The following TECR variants were observed in gnomAD, a reference collection of about 807,000 sequenced individuals.
The protein encoded by TECR is very-long-chain enoyl-CoA reductase.
TECR carries 19 observed loss-of-function variants against 50.6 expected under a neutral mutation model. That is an observed-to-expected ratio of 0.38 (90% CI 0.26 to 0.55). The LOEUF (loss-of-function observed/expected upper bound fraction) is 0.55. Among genes scored for constraint, TECR ranks in the 20% least tolerant of loss-of-function variants. The probability of loss-of-function intolerance (pLI) is 0.79; values close to 1 mark genes in which losing one functional copy is unlikely to be tolerated. For synonymous variants in TECR, 168 were observed against 163.5 expected (o/e 1.03, Z -0.21); for missense variants, 313 against 408.3 (o/e 0.77, Z 2.01).
chr19:14,562,232 G>A (rs2073924632), intron 1 of TECR: 2 of 602,322 alleles, frequency 3.3e-6, no homozygotes, highest in Non-Finnish European at 5.9e-6. Context: ...GGCAGTGCCA[G>A]GGCCGGCACG....
intron 1 of TECR, among the ~76,000 whole-genome samples, chr19:14,540,395 A>G (rs1455254851): frequency 6.7e-5 from 10 of 149,676 alleles, no homozygotes. Flanking sequence ...TTATTTATTA[A>G]AAAATGTGTG....
chr19:14,552,680 A>G (rs1276586730), intron 1 of TECR, among the ~76,000 whole-genome samples: 1 of 150,582 alleles, frequency 6.6e-6, no homozygotes, highest in African/African-American at 2.4e-5. Context: ...GACTACAGGC[A>G]CCCGCCACCA....
At chr19:14,535,560 A>ATATATATATG (rs2072857524) in intron 1 of TECR, among the ~76,000 whole-genome samples, 7 of 21,856 alleles carry the variant, frequency 3.2e-4, no homozygotes, top group African/African-American at 1.2e-3. Flanking sequence ...ATATATATAT[A>ATATATATATG]TATATATATA....
Position 14,564,541 on chromosome 19 carries a change from T to TC in TECR, c.490-239dup, listed in dbSNP as rs1193324490. 3.0e-3 allele frequency among the ~76,000 whole-genome samples: 110 copies of TC among 36,420 alleles called. 1 individual carries two copies. The highest frequency in any genetic ancestry group is 4.4e-3 in the Non-Finnish European group (81 of 18,516). 23.9% of individuals were successfully genotyped at this position (36,420 alleles called of 152,430 possible). On this transcript the variant is annotated intron_variant, in intron 7 of 12. Coordinates refer to ENST00000215567, the MANE Select transcript of TECR (RefSeq NM_138501.6). Reference sequence around the variant, plus strand: ...TAGTCCCACCCCTAGGCACCGCCTATCCCCCCAGCCCCGCCCCTGCAGAGC... The same window carrying TC: ...TAGTCCCACCCCTAGGCACCGCCTATCCCCCCCAGCCCCGCCCCTGCAGAGC...
Position 14,563,165 on chromosome 19 carries a change from T to A in TECR, c.67-41T>A. 1 of 1,612,394 alleles carries A rather than the reference T, an allele frequency of 6.2e-7. No individual in the cohort carries two copies. The highest frequency in any genetic ancestry group is 8.5e-7 in the Non-Finnish European group (1 of 1,179,624). ...GTACCTCCCCATCCTGAGTCTGGGCTCCCCGCAGAGCTGACGTCCCTGCGC... is the reference window on the plus strand; with the variant it reads ...GTACCTCCCCATCCTGAGTCTGGGCACCCCGCAGAGCTGACGTCCCTGCGC... On this transcript the variant is annotated intron_variant, in intron 2 of 12. Transcript: ENST00000215567. This position sits in a 1 kb window ranked among gnomAD's most constrained non-coding sequence, Gnocchi z 5.3.
Position 14,563,691 on chromosome 19 carries a change from G to T in TECR, c.152G>T (p.Arg51Leu). ...TGGTACCCCGCCCGCCAGTCCCTCC[G>T]CCTGGACCCCAGTGAGTACAGCTGT... ...PQWYPARQSLRLDPKGKSLKD... is the reference protein window; with the variant it reads ...PQWYPARQSLLLDPKGKSLKD... Residue 51 changes from arginine (R) to leucine (L), a missense_variant, in exon 4 of 13, where the codon CGC (arginine) becomes CTC (leucine). By Grantham distance (102) the Arg-to-Leu change is moderately radical. Coordinates refer to ENST00000215567, the MANE Select transcript of TECR (RefSeq NM_138501.6). The surrounding 1 kb of genome is among the most constrained non-coding windows in gnomAD (Gnocchi z 5.3). The T allele has an allele frequency of 6.2e-7, 1 of 1,612,964 alleles. No individual in the cohort carries two copies. Among genetic ancestry groups the T allele is most frequent in the Non-Finnish European group, 8.5e-7 (1 of 1,179,860 alleles).
intron 1 of TECR, among the ~76,000 whole-genome samples, chr19:14,560,483 G>A (rs1413682131): frequency 2.0e-5 from 3 of 152,316 alleles, no homozygotes; most frequent in Admixed American, 2.0e-4. Context: ...ACCCTTTCCC[G>A]TGGATCCCGC....
At chr19:14,556,719 A>C (rs900377903) in intron 1 of TECR, among the ~76,000 whole-genome samples, 1 of 152,156 alleles carries the variant, frequency 6.6e-6, no homozygotes, top group Admixed American at 6.5e-5. Flanking sequence ...TTAAGGTCCC[A>C]TTCTGCACCA....
intron 1 of TECR, among the ~76,000 whole-genome samples, chr19:14,559,752 A>G (rs2073848806): frequency 6.6e-6 from 1 of 150,942 alleles, no homozygotes; most frequent in African/African-American, 2.4e-5. Flanking sequence ...GCACTGCTGC[A>G]CTCCAACCTG....
intron 1 of TECR, chr19:14,530,989 C>T (rs1266917902): frequency 3.3e-5 from 5 of 152,114 alleles, no homozygotes; most frequent in Non-Finnish European, 5.9e-5. Flanking sequence ...GCCACCATTC[C>T]GTCTTAATGA....
At chr19:14,547,661 A>T (rs961569788) in intron 1 of TECR, among the ~76,000 whole-genome samples, 8 of 142,938 alleles carry the variant, frequency 5.6e-5, no homozygotes, top group African/African-American at 7.8e-5. Context: ...TGTACCTAAT[A>T]TTTTTTTTTT....
intron 1 of TECR, among the ~76,000 whole-genome samples, chr19:14,535,478 G>GT (rs555670797): frequency 1.4e-3 from 154 of 111,266 alleles, no homozygotes; most frequent in African/African-American, 5.2e-3. Context: ...CTGCACTCCA[G>GT]CCTGGGCGAC....
chr19:14,558,607 T>C (rs10412426), intron 1 of TECR, among the ~76,000 whole-genome samples: 78,347 of 151,974 alleles, frequency 0.52, 20,916 homozygotes, highest in African/African-American at 0.66. Flanking sequence ...CAGGCCAGAG[T>C]GCCTGCCTGT....
At chr19:14,562,648 C>A in intron 2 of TECR, 73 bp downstream of exon 2, 1 of 1,564,562 alleles carries the variant, frequency 6.4e-7, no homozygotes, top group Non-Finnish European at 8.8e-7. Flanking sequence ...AGCCCAGGAG[C>A]TGTCCAGTGG....
chr19:14,562,670 C>A, intron 2 of TECR, 95 bp downstream of exon 2: 1 of 1,400,922 alleles, frequency 7.1e-7, no homozygotes, highest in Non-Finnish European at 1.0e-6. Flanking sequence ...GCCCTTTGTG[C>A]CCCACCCCCT....
At position 14,552,196 on chromosome 19, in the gene TECR, G is replaced by A. The variant is rs115673750; in HGVS notation, c.16-10329G>A. The stretch of plus-strand genomic sequence containing the variant: ...TCTTTTTTTTTTTTTTTGAGATAGC[G>A]TGTCTTCTGTCCCCCAGGCTGGAGT... On this transcript the variant is annotated intron_variant, in intron 1 of 12. Coordinates refer to ENST00000215567, the MANE Select transcript of TECR (RefSeq NM_138501.6). Among the ~76,000 whole-genome samples, 1,212 of 136,494 alleles carry A rather than the reference G, an allele frequency of 8.9e-3. 23 individuals are homozygous for A. Among genetic ancestry groups the A allele is most frequent in the African/African-American group, 0.031 (1,117 of 36,484 alleles). The allele number at this position is 136,494 out of a possible 152,430, so 89.5% of individuals were successfully genotyped here.
rs1196267534 is a variant in TECR, at chr19:14,565,671, T to C, written c.799+8T>C. On this transcript the variant is annotated splice_region_variant and intron_variant, in intron 12 of 12. Coordinates refer to ENST00000215567, the MANE Select transcript of TECR (RefSeq NM_138501.6). ...TGACGCAGTGTCTCCCAGGTGAGCC[T>C]GCCGCCCTCCCTCGGCGGGGCCCTG... is the stretch of plus-strand genomic sequence containing the variant. 6.2e-7 allele frequency: 1 copy of C among 1,612,242 alleles called. No homozygotes were observed. The highest frequency in any genetic ancestry group is 1.3e-5 in the African/African-American group (1 of 74,910).
chr19:14,538,834 A>G lies in TECR; in HGVS notation c.15+9123A>G, dbSNP rs146387004. 1.1e-3 allele frequency among the ~76,000 whole-genome samples: 165 copies of G among 151,734 alleles called. 2 individuals carry two copies. The East Asian group carries it at 0.025, about 23-fold the overall frequency. ...GCATGAGCCACCACGCCTGGCTGAG[A>G]AAAGCTTCAAAACTTAATGAAGAAG... On this transcript the variant is annotated intron_variant, in intron 1 of 12. Transcript: ENST00000215567.
chr19:14,539,991 T>A (rs1310635193), intron 1 of TECR, among the ~76,000 whole-genome samples: 1 of 151,870 alleles, frequency 6.6e-6, no homozygotes, highest in Non-Finnish European at 1.5e-5. Context: ...GTGATTCTCC[T>A]GCCTCAGCCT....
Sources: gnomAD v4.1 joint callset for allele counts (sites outside exome capture counted in the v4.1 genomes callset) on GRCh38, gnomAD v4.1.1 for gene constraint, Gnocchi (gnomAD v3.1) non-coding constraint, MANE v1.5 for transcripts, NCBI Gene and HGNC (gene_info 2026-07-23, HGNC 2026-07-21) for gene names.